Variants in NR3C2 observed in about 807,000 individuals in gnomAD.
NR3C2 encodes mineralocorticoid receptor.
Under a neutral mutation model 86.4 loss-of-function variants are expected in NR3C2, and 15 were observed. The ratio of observed to expected loss-of-function variants is 0.17; its 90% confidence interval spans 0.12 to 0.27. The LOEUF (loss-of-function observed/expected upper bound fraction) is 0.27. Ranked by LOEUF, NR3C2 falls within the 10% of genes least tolerant of loss-of-function variation. NR3C2 has a pLI of 1.00. For synonymous variants in NR3C2, 458 were observed against 450.5 expected (o/e 1.02, Z -0.21); for missense variants, 960 against 1,195.6 (o/e 0.80, Z 2.91).
At chr4:148,144,401 C>T (rs1733764759) in intron 6 of NR3C2, among the ~76,000 whole-genome samples, 1 of 152,036 alleles carries the variant, frequency 6.6e-6, no homozygotes, top group Non-Finnish European at 1.5e-5. Context: ...TTTTGTTGCC[C>T]AGGCTGGACT....
chr4:148,427,603 G>C (rs1475212644), intron 2 of NR3C2, among the ~76,000 whole-genome samples: 4 of 151,924 alleles, frequency 2.6e-5, no homozygotes, highest in Non-Finnish European at 4.4e-5. Flanking sequence ...CAGCACGGGA[G>C]TCTGTGCCTC....
chr4:148,319,196 G>A (rs2149949492), intron 2 of NR3C2, among the ~76,000 whole-genome samples: 1 of 151,972 alleles, frequency 6.6e-6, no homozygotes, highest in South Asian at 2.1e-4. Flanking sequence ...TAGATATGTG[G>A]CATTATTTCT....
intron 2 of NR3C2, among the ~76,000 whole-genome samples, chr4:148,273,752 C>G (rs1229819726): frequency 6.6e-6 from 1 of 152,064 alleles, no homozygotes; most frequent in African/African-American, 2.4e-5. Context: ...AAGGTACACA[C>G]CAGGTCAAGG....
At chr4:148,428,856 G>A (rs1749671604) in intron 2 of NR3C2, among the ~76,000 whole-genome samples, 1 of 151,996 alleles carries the variant, frequency 6.6e-6, no homozygotes, top group Middle Eastern at 3.2e-3. Context: ...TTCCCCAAGT[G>A]CACTTCCTCT....
intron 2 of NR3C2, among the ~76,000 whole-genome samples, chr4:148,269,486 A>G (rs937566362): frequency 6.6e-6 from 1 of 152,246 alleles, no homozygotes; most frequent in African/African-American, 2.4e-5. Flanking sequence ...TCTTTGTCAT[A>G]AAACCATATC....
intron 2 of NR3C2, among the ~76,000 whole-genome samples, chr4:148,429,434 AC>A (rs1328096391): frequency 2.0e-5 from 3 of 152,204 alleles, no homozygotes; most frequent in Admixed American, 6.5e-5. Context: ...CATTCAAATT[AC>A]TTTTTTTTGT....
chr4:148,437,091 A>T (rs1011896798), intron 1 of NR3C2, among the ~76,000 whole-genome samples: 4 of 152,230 alleles, frequency 2.6e-5, no homozygotes, highest in African/African-American at 9.6e-5. Flanking sequence ...ACTGTTTTGG[A>T]TCTAAATAAA....
chr4:148,155,941 C>G (rs970581601), intron 4 of NR3C2, among the ~76,000 whole-genome samples: 7 of 152,066 alleles, frequency 4.6e-5, no homozygotes, highest in Non-Finnish European at 4.4e-5. Context: ...AGAACAGAGC[C>G]CTCAGAAATA....
chr4:148,168,230 C>G (rs1460304043), intron 4 of NR3C2, among the ~76,000 whole-genome samples: 1 of 152,158 alleles, frequency 6.6e-6, no homozygotes, highest in Non-Finnish European at 1.5e-5. Flanking sequence ...TGTGTTTGAC[C>G]TTGACCCTCT....
intron 2 of NR3C2, among the ~76,000 whole-genome samples, chr4:148,386,324 C>A (rs1201654033): frequency 6.6e-6 from 1 of 152,138 alleles, no homozygotes; most frequent in Non-Finnish European, 1.5e-5. Flanking sequence ...GAGCCACAGG[C>A]AAATCTCAAA....
intron 2 of NR3C2, among the ~76,000 whole-genome samples, chr4:148,335,951 A>G (rs1744463654): frequency 6.6e-6 from 1 of 152,200 alleles, no homozygotes; most frequent in African/African-American, 2.4e-5. Context: ...ATGCAAAACC[A>G]CAGTATACTA....
At chr4:148,386,562 T>C (rs1014021393) in intron 2 of NR3C2, among the ~76,000 whole-genome samples, 23 of 152,308 alleles carry the variant, frequency 1.5e-4, no homozygotes, top group South Asian at 4.1e-4. Flanking sequence ...ATCATAGTGA[T>C]GAGTTCAACG....
At chr4:148,114,005 A>T in intron 8 of NR3C2, 99 bp downstream of exon 8, 1 of 1,416,864 alleles carries the variant, frequency 7.1e-7, no homozygotes, top group Non-Finnish European at 9.8e-7. Context: ...GAGGTCTAGC[A>T]TGACACCCTG....
intron 3 of NR3C2, among the ~76,000 whole-genome samples, chr4:148,221,981 T>C (rs995675100): frequency 2.6e-5 from 4 of 151,724 alleles, no homozygotes; most frequent in African/African-American, 9.7e-5. Context: ...AATTTGTGCA[T>C]ACATGTCTGT....
intron 2 of NR3C2, among the ~76,000 whole-genome samples, chr4:148,426,075 C>T (rs1162262910): frequency 6.6e-6 from 1 of 152,178 alleles, no homozygotes; most frequent in Non-Finnish European, 1.5e-5. Flanking sequence ...ACCTGCCAAA[C>T]AAAATCCTTA....
intron 8 of NR3C2, among the ~76,000 whole-genome samples, chr4:148,085,922 A>C (rs1730792837): frequency 6.6e-6 from 1 of 152,238 alleles, no homozygotes; most frequent in Non-Finnish European, 1.5e-5. Flanking sequence ...TCTCAAGTCT[A>C]AACCAGGAAG....
intron 2 of NR3C2, among the ~76,000 whole-genome samples, chr4:148,388,557 T>C (rs1747386038): frequency 6.6e-6 from 1 of 152,192 alleles, no homozygotes; most frequent in Non-Finnish European, 1.5e-5. Flanking sequence ...CAACACATCA[T>C]CACATCAAAC....
rs61756934 is a variant in NR3C2 at position 148,393,287 on chromosome 4, T to A, written c.1757+41817A>T. ...TTCACACTAGTCTGTGGGAATATTA[T>A]CCTAAATCAGTGGTTCTTGATGACA... is the stretch of plus-strand genomic sequence containing the variant. On this transcript the variant is annotated intron_variant, in intron 2 of 8. Coordinates refer to ENST00000358102, the MANE Select transcript of NR3C2 (RefSeq NM_000901.5). Among the ~76,000 whole-genome samples, 1,165 of 152,294 alleles carry A rather than the reference T, an allele frequency of 7.6e-3. 35 individuals carry two copies. Among genetic ancestry groups the A allele is most frequent in the East Asian group, 0.036 (187 of 5,178 alleles).
At chr4:148,170,108 G>A (rs1404923001) in intron 4 of NR3C2, among the ~76,000 whole-genome samples, 4 of 152,210 alleles carry the variant, frequency 2.6e-5, no homozygotes, top group Non-Finnish European at 4.4e-5. Context: ...ATGGTCCTGT[G>A]TATTGTACAG....
Sources: gnomAD v4.1 joint callset for allele counts (sites outside exome capture counted in the v4.1 genomes callset) on GRCh38, gnomAD v4.1.1 for gene constraint, MANE v1.5 for transcripts, NCBI Gene and HGNC (gene_info 2026-07-23, HGNC 2026-07-21) for gene names.